NAA35: variants seen among roughly 807,000 people sequenced by gnomAD.
NAA35 encodes N-alpha-acetyltransferase 35, NatC auxiliary subunit.
Under a neutral mutation model 101.7 loss-of-function variants are expected in NAA35, and 18 were observed. The observed-to-expected ratio is 0.18, with a 90% CI of 0.12 to 0.26. The LOEUF (loss-of-function observed/expected upper bound fraction) is 0.26, where lower values mean the gene tolerates loss of function less well. Among genes scored for constraint, NAA35 ranks in the 10% least tolerant of loss-of-function variants. The pLI is 1.00. For missense variants in NAA35, 601 were observed against 886.8 expected, an observed-to-expected ratio of 0.68 and a Z score of 4.09; for synonymous variants, 267 against 273.1, an observed-to-expected ratio of 0.98 and a Z score of 0.22.
intron 8 of NAA35, among the ~76,000 whole-genome samples, chr9:85,975,538 T>C (rs983869471): frequency 3.9e-5 from 6 of 152,162 alleles, no homozygotes; most frequent in African/African-American, 1.4e-4. Flanking sequence ...ACTAGATTAC[T>C]TATAATATTT....
At chr9:86,008,502 T>C (rs1473417803) in intron 14 of NAA35, among the ~76,000 whole-genome samples, 1 of 152,232 alleles carries the variant, frequency 6.6e-6, no homozygotes, top group Non-Finnish European at 1.5e-5. Context: ...ATCCATTAAA[T>C]GAGGTGTCTT....
chr9:86,016,518 T>C (rs1401110023), intron 17 of NAA35, 21 bp from the exon 18 acceptor site: 2 of 1,605,062 alleles, frequency 1.2e-6, no homozygotes, highest in Admixed American at 1.7e-5. Flanking sequence ...TACCATTAAC[T>C]AACATTTTGT....
At chr9:85,948,131 C>G (rs1037129173) in intron 2 of NAA35, among the ~76,000 whole-genome samples, 1 of 152,104 alleles carries the variant, frequency 6.6e-6, no homozygotes, top group Non-Finnish European at 1.5e-5. Context: ...CCCTTCATCC[C>G]CAGTTTAGGC....
chr9:85,955,688 A>G (rs948839034), intron 2 of NAA35, among the ~76,000 whole-genome samples: 2 of 152,086 alleles, frequency 1.3e-5, no homozygotes, highest in African/African-American at 2.4e-5. Context: ...TCTACTTAGC[A>G]TGTTATAGCA....
chr9:85,991,461 G>A (rs1015157604), intron 11 of NAA35, among the ~76,000 whole-genome samples: 3 of 152,084 alleles, frequency 2.0e-5, no homozygotes, highest in African/African-American at 7.2e-5. Flanking sequence ...CATAAGTGGG[G>A]GGAAGAGGCT....
chr9:86,007,742 T>A (rs1831712114), intron 14 of NAA35, among the ~76,000 whole-genome samples: 1 of 152,192 alleles, frequency 6.6e-6, no homozygotes, highest in Non-Finnish European at 1.5e-5. Context: ...GAAAACATGC[T>A]GCCATCAGAG....
intron 6 of NAA35, among the ~76,000 whole-genome samples, chr9:85,970,529 C>A (rs1349852582): frequency 6.6e-6 from 1 of 152,114 alleles, no homozygotes; most frequent in East Asian, 1.9e-4. Context: ...CAGATTGACA[C>A]GTGCCGGCTT....
chr9:85,952,181 T>A lies in NAA35; in HGVS notation c.125-4179T>A, dbSNP rs186654488. Among the ~76,000 whole-genome samples, 1,047 of 152,124 alleles carry A rather than the reference T, an allele frequency of 6.9e-3. 7 individuals are homozygous for A. Among genetic ancestry groups the A allele is most frequent in the South Asian group, 0.034 (162 of 4,826 alleles). On this transcript the variant is annotated intron_variant, in intron 2 of 22. Transcript: ENST00000361671. ...AAGTGACAGACTCATGTATTTTTTT[T>A]AAAAATGCCACATTCTCAAGTCTGA...
At chr9:85,952,281 G>GTT (rs1482778374) in intron 2 of NAA35, among the ~76,000 whole-genome samples, 18 of 138,194 alleles carry the variant, frequency 1.3e-4, no homozygotes, top group African/African-American at 4.1e-4. Flanking sequence ...TTGTGCAAGT[G>GTT]TTTTTTGTTT....
chr9:86,021,886 GTTTTTC>G lies in NAA35; in HGVS notation c.2119-11_2119-6del. 1 of 1,604,726 alleles carries G rather than the reference GTTTTTC, an allele frequency of 6.2e-7. No homozygotes were observed. Among genetic ancestry groups the G allele is most frequent in the African/African-American group, 1.3e-5 (1 of 74,788 alleles). ...TTTGTAGATACATTAATTGAGTTTC[GTTTTTC>G]TTTAACAGGTTCCTCCTGAATTTGA... On this transcript the variant is annotated splice_polypyrimidine_tract_variant and intron_variant, in intron 22 of 22. Coordinates refer to ENST00000361671, the MANE Select transcript of NAA35 (RefSeq NM_024635.4).
rs574284911 is a variant in NAA35, at chr9:85,972,004, A to T, written c.517-2963A>T. ...CACAAATCTTCAAGAGTGATCTTTA[A>T]TGGTAGCAGTCTGTTTACATGACTC... On this transcript the variant is annotated intron_variant, in intron 6 of 22. Transcript: ENST00000361671. Among the ~76,000 whole-genome samples, 34 of 152,230 alleles carry T rather than the reference A, an allele frequency of 2.2e-4. No individual in the cohort carries two copies. The South Asian group carries it at 6.8e-3, about 31-fold the overall frequency.
rs568890931 is a variant in NAA35, at chr9:85,996,645, A to G, written c.1056+68A>G. ...AAAAATTGATACATAATAATTGTACATATTTATGTGGTAACTTTGGTTTAA... is the reference window on the plus strand; with the variant it reads ...AAAAATTGATACATAATAATTGTACGTATTTATGTGGTAACTTTGGTTTAA... On this transcript the variant is annotated intron_variant, in intron 12 of 22. Coordinates refer to ENST00000361671, the MANE Select transcript of NAA35 (RefSeq NM_024635.4). 3.2e-6 allele frequency: 4 copies of G among 1,233,508 alleles called. No homozygotes were observed. The African/African-American group carries it at 4.6e-5, about 14-fold the overall frequency. 76.4% of individuals were successfully genotyped at this position (1,233,508 alleles called of 1,614,324 possible).
chr9:85,976,635 T>C (rs550078419), intron 8 of NAA35, 50 bp from the exon 9 acceptor site: 2 of 1,311,988 alleles, frequency 1.5e-6, no homozygotes, highest in Non-Finnish European at 2.1e-6. Flanking sequence ...GTATTTGTAA[T>C]GTAATATTTT....
At chr9:85,964,323 T>C (rs1829651671) in intron 6 of NAA35, among the ~76,000 whole-genome samples, 1 of 152,198 alleles carries the variant, frequency 6.6e-6, no homozygotes, top group Non-Finnish European at 1.5e-5. Context: ...TGTATGTCTT[T>C]TCCTGACCTG....
Position 85,954,639 on chromosome 9 carries a change from C to T in NAA35, c.125-1721C>T, listed in dbSNP as rs193034243. The stretch of plus-strand genomic sequence containing the variant: ...AAGAAAATTTTTGTCTTTTTTTAGC[C>T]GTAAGTGCATGGAAGTGAAGAGTAC... On this transcript the variant is annotated intron_variant, in intron 2 of 22. Transcript: ENST00000361671. Among the ~76,000 whole-genome samples the T allele has an allele frequency of 4.7e-4, 71 of 152,096 alleles. No homozygotes were observed. In the East Asian group the frequency reaches 0.013, roughly 28 times the overall value.
At chr9:85,984,551 G>A (rs1044215521) in intron 11 of NAA35, among the ~76,000 whole-genome samples, 17 of 152,152 alleles carry the variant, frequency 1.1e-4, no homozygotes, top group Admixed American at 3.3e-4. Context: ...AATCAAGACA[G>A]AGTGTCACAT....
chr9:86,017,710 CATT>C, intron 19 of NAA35, 145 bp downstream of exon 19: 1 of 696,390 alleles, frequency 1.4e-6, no homozygotes, highest in Non-Finnish European at 2.3e-6. Flanking sequence ...CCTTTATTAT[CATT>C]AATTTTTTCA....
chr9:85,997,607 T>C (rs962356019), intron 12 of NAA35, among the ~76,000 whole-genome samples: 8 of 152,118 alleles, frequency 5.3e-5, no homozygotes, highest in African/African-American at 1.9e-4. Context: ...CCTCCCAAAG[T>C]GCTGGGATTA....
chr9:85,993,292 C>T (rs952621322), intron 11 of NAA35, among the ~76,000 whole-genome samples: 1 of 152,196 alleles, frequency 6.6e-6, no homozygotes, highest in Non-Finnish European at 1.5e-5. Flanking sequence ...CCCACCTCAG[C>T]CTCCTGGGTA....
Sources: gnomAD v4.1 joint callset for allele counts (sites outside exome capture counted in the v4.1 genomes callset) on GRCh38, gnomAD v4.1.1 for gene constraint, MANE v1.5 for transcripts, NCBI Gene and HGNC (gene_info 2026-07-23, HGNC 2026-07-21) for gene names.